The following VWF variants were observed in gnomAD, a reference collection of about 807,000 sequenced individuals.
VWF encodes the protein Factor VIII related antigen.
A neutral mutation model predicts 308.6 loss-of-function variants in VWF; 176 were observed. That is an observed-to-expected ratio of 0.57 (90% CI 0.50 to 0.65). The LOEUF (loss-of-function observed/expected upper bound fraction) is 0.65, where lower values mean the gene tolerates loss of function less well. VWF is among the 30% of genes least tolerant of loss of function. The pLI, the probability that VWF is intolerant of heterozygous loss-of-function variation, is 0.00. For synonymous variants in VWF, 1,385 were observed against 1,443.4 expected (o/e 0.96, Z 0.92); for missense variants, 3,146 against 3,648.2 (o/e 0.86, Z 3.55).
intron 34 of VWF, among the ~76,000 whole-genome samples, chr12:5,996,750 C>CAA (rs61616182): frequency 1.0e-3 from 62 of 60,412 alleles, no homozygotes; most frequent in African/African-American, 2.5e-3. Flanking sequence ...TTTCCAGAGC[C>CAA]AAAAAAAAAA....
intron 36 of VWF, 95 bp downstream of exon 36, chr12:5,994,320 C>T: frequency 3.1e-6 from 5 of 1,591,530 alleles, no homozygotes; most frequent in Non-Finnish European, 4.3e-6. Context: ...GCTACTAGAC[C>T]CTGAAATATA....
intron 5 of VWF, among the ~76,000 whole-genome samples, chr12:6,105,805 G>A (rs1207720763): frequency 1.3e-5 from 2 of 152,038 alleles, no homozygotes; most frequent in East Asian, 1.9e-4. Context: ...GGGAGGCCAA[G>A]GTGGGCAGAT....
At chr12:6,111,754 T>C (rs1272293441) in intron 3 of VWF, among the ~76,000 whole-genome samples, 1 of 149,814 alleles carries the variant, frequency 6.7e-6, no homozygotes, top group East Asian at 1.9e-4. Context: ...ATCGAGACCA[T>C]CCTGGCTAAC....
chr12:5,980,123 GAAGGAAGGAAGGAAGA>G (rs1218240506), intron 42 of VWF, among the ~76,000 whole-genome samples: 9 of 59,020 alleles, frequency 1.5e-4, no homozygotes, highest in Non-Finnish European at 2.6e-4. Flanking sequence ...AGGAAGGAAG[GAAGGAAGGAAGGAAGA>G]AAGGAGTGAG....
chr12:6,071,258 T>C, intron 10 of VWF, 39 bp downstream of exon 10: 1 of 1,609,988 alleles, frequency 6.2e-7, no homozygotes, highest in Non-Finnish European at 8.5e-7. Context: ...CCTCCCCGAT[T>C]CAGGGAAGGA....
In VWF at chr12:6,052,736, AG is replaced by A. The variant is rs1944531613; in HGVS notation, c.1992del (p.Cys665AlafsTer3). On this transcript the variant is annotated frameshift_variant, in exon 16 of 52. Transcript: ENST00000261405. LOFTEE classifies it high-confidence loss of function. ...KGQVYLQCGT[P>X]CNLTCRSLSY... ...GAGAGAGAGCGGCAGGTCAGGTTGC[AG>A]GGGGTCCCGCACTGCAGGTACACCT... 6.2e-7 allele frequency: 1 copy of A among 1,614,124 alleles called. No homozygotes were observed. The highest frequency in any genetic ancestry group is 8.5e-7 in the Non-Finnish European group (1 of 1,180,010).
chr12:6,054,153 C>T (rs1419565968), intron 15 of VWF, among the ~76,000 whole-genome samples: 1 of 152,194 alleles, frequency 6.6e-6, no homozygotes, highest in African/African-American at 2.4e-5. Flanking sequence ...TAAGCCTTGG[C>T]CGTGAGCCTG....
chr12:5,952,260 G>T, intron 49 of VWF, 131 bp downstream of exon 49: 1 of 1,299,476 alleles, frequency 7.7e-7, no homozygotes, highest in Non-Finnish European at 1.1e-6. Flanking sequence ...TAATCTCACT[G>T]ATTCTTCAAC....
chr12:6,114,197 G>A (rs979535534), intron 3 of VWF, among the ~76,000 whole-genome samples: 1 of 152,186 alleles, frequency 6.6e-6, no homozygotes, highest in African/African-American at 2.4e-5. Context: ...AGAAAGGGTG[G>A]GTGGGACCAA....
chr12:5,971,348 TGA>T (rs1354340427), intron 44 of VWF, among the ~76,000 whole-genome samples: 5 of 152,138 alleles, frequency 3.3e-5, no homozygotes, highest in Admixed American at 6.5e-5. Flanking sequence ...CACAGGTGAA[TGA>T]GAGAGCATGA....
rs1397155952 is a variant in VWF at position 6,023,726 on chromosome 12, C to T, written c.3284G>A (p.Gly1095Glu). The change falls in exon 25 of 52, where the codon GGG becomes GAG. Residue 1095 changes from glycine to glutamate, a missense_variant. Coordinates refer to ENST00000261405, the MANE Select transcript of VWF (RefSeq NM_000552.5). Reference sequence around the variant, plus strand: ...GGTGTCGCAGAAGCAGGCGCAGTCCCCAATGGACTCACAGGAGCAGGTGTC... The same window carrying T: ...GGTGTCGCAGAAGCAGGCGCAGTCCTCAATGGACTCACAGGAGCAGGTGTC... ...IYDTCSCESI[G>E]DCACFCDTIA... The T allele has an allele frequency of 6.2e-7, 1 of 1,613,686 alleles. No individual in the cohort carries two copies. Among genetic ancestry groups the T allele is most frequent in the African/African-American group, 1.3e-5 (1 of 74,746 alleles).
intron 13 of VWF, among the ~76,000 whole-genome samples, chr12:6,059,778 A>G (rs1167981604): frequency 6.6e-6 from 1 of 152,230 alleles, no homozygotes; most frequent in African/African-American, 2.4e-5. Flanking sequence ...GCCAGCAGAC[A>G]CTCAGTAAGT....
chr12:6,079,529 G>A (rs568906789), intron 6 of VWF, among the ~76,000 whole-genome samples: 52 of 152,012 alleles, frequency 3.4e-4, no homozygotes, highest in Admixed American at 1.0e-3. Flanking sequence ...AGAATGGCAT[G>A]AAGCCGGGAG....
intron 9 of VWF, 78 bp from the exon 10 acceptor site, chr12:6,071,421 A>G: frequency 1.3e-6 from 2 of 1,494,166 alleles, no homozygotes; most frequent in Non-Finnish European, 1.9e-6. Flanking sequence ...AGCTCATGGT[A>G]GTTATCACAG....
chr12:5,984,327 A>G (rs1465040088), intron 40 of VWF, among the ~76,000 whole-genome samples: 1 of 152,232 alleles, frequency 6.6e-6, no homozygotes, highest in African/African-American at 2.4e-5. Flanking sequence ...TTCTCAAGCC[A>G]CATCTCCCTC....
chr12:6,037,312 C>T (rs1443199718), intron 18 of VWF, among the ~76,000 whole-genome samples: 2 of 151,982 alleles, frequency 1.3e-5, no homozygotes, highest in Admixed American at 1.3e-4. Context: ...TTAATATGTA[C>T]TTAACACTCT....
chr12:6,001,557 A>T (rs1455100998), intron 34 of VWF, among the ~76,000 whole-genome samples: 1 of 152,232 alleles, frequency 6.6e-6, no homozygotes, highest in Non-Finnish European at 1.5e-5. Flanking sequence ...AAGCCATAAC[A>T]GCTGTGAATA....
intron 34 of VWF, among the ~76,000 whole-genome samples, chr12:5,997,644 C>A (rs765290021): frequency 6.6e-5 from 10 of 152,164 alleles, no homozygotes; most frequent in Non-Finnish European, 1.5e-4. Context: ...GTGCATGACT[C>A]ACATGTGCAT....
At chr12:5,993,142 A>G (rs1354628018) in intron 37 of VWF, among the ~76,000 whole-genome samples, 2 of 152,156 alleles carry the variant, frequency 1.3e-5, no homozygotes, top group African/African-American at 4.8e-5. Context: ...TGAGGCTCTA[A>G]CAGGCATGTA....
Sources: allele counts gnomAD v4.1 joint callset (sites outside exome capture counted in the v4.1 genomes callset), GRCh38; gene constraint gnomAD v4.1.1; transcripts MANE v1.5; gene names NCBI Gene and HGNC (gene_info 2026-07-23, HGNC 2026-07-21).